CDYL: variants seen among roughly 807,000 people sequenced by gnomAD.
The protein encoded by CDYL is chromodomain Y like.
Under a neutral mutation model 47.3 loss-of-function variants are expected in CDYL, and 8 were observed. The ratio of observed to expected loss-of-function variants is 0.17; its 90% CI spans 0.10 to 0.31. The LOEUF (loss-of-function observed/expected upper bound fraction) is 0.31, where lower values mean the gene tolerates loss of function less well. CDYL is among the 10% of genes least tolerant of loss of function. The pLI, the probability that CDYL is intolerant of heterozygous loss-of-function variation, is 1.00. For missense variants in CDYL, 471 were observed against 701.4 expected, an observed-to-expected ratio of 0.67 and a Z score of 3.71; for synonymous variants, 266 against 265.0, an observed-to-expected ratio of 1.00 and a Z score of -0.04.
chr6:4,801,645 GTC>G (rs1759228906), intron 1 of CDYL, among the ~76,000 whole-genome samples: 1 of 152,094 alleles, frequency 6.6e-6, no homozygotes, highest in Non-Finnish European at 1.5e-5. Flanking sequence ...TCTCCCCTGT[GTC>G]TGCAAAATTT....
chr6:4,776,924 C>G (rs1424678371), intron 1 of CDYL, 117 bp downstream of exon 1: 4 of 313,396 alleles, frequency 1.3e-5, no homozygotes, highest in Non-Finnish European at 1.8e-5. Context: ...TCCCCCGCCG[C>G]GGCCGCAGTT....
At chr6:4,880,301 C>T (rs936150819) in intron 1 of CDYL, among the ~76,000 whole-genome samples, 2 of 152,078 alleles carry the variant, frequency 1.3e-5, no homozygotes, top group East Asian at 3.8e-4. Flanking sequence ...TTCAGATGGG[C>T]GTCTTTTACC....
At chr6:4,797,629 T>C (rs1384347367) in intron 1 of CDYL, among the ~76,000 whole-genome samples, 1 of 152,216 alleles carries the variant, frequency 6.6e-6, no homozygotes, top group Non-Finnish European at 1.5e-5. Flanking sequence ...CTGGCAACCA[T>C]GAATCCACTT....
chr6:4,948,067 G>A (rs541453220), intron 5 of CDYL, among the ~76,000 whole-genome samples: 8 of 152,292 alleles, frequency 5.3e-5, no homozygotes, highest in South Asian at 2.1e-4. Context: ...TCAGTTCATC[G>A]TAGTGATTAC....
intron 2 of CDYL, among the ~76,000 whole-genome samples, chr6:4,928,469 C>G (rs1561713906): frequency 6.6e-6 from 1 of 152,160 alleles, no homozygotes. Flanking sequence ...AATTCTTCCC[C>G]TTGAACTAAG....
intron 1 of CDYL, among the ~76,000 whole-genome samples, chr6:4,891,002 T>C (rs1032327865): frequency 6.6e-6 from 1 of 152,226 alleles, no homozygotes; most frequent in African/African-American, 2.4e-5. Context: ...TTTGTCACGG[T>C]GATAAAACGT....
At chr6:4,819,451 G>A (rs1419744339) in intron 1 of CDYL, among the ~76,000 whole-genome samples, 2 of 152,118 alleles carry the variant, frequency 1.3e-5, no homozygotes, top group African/African-American at 2.4e-5. Context: ...ACCAGATAGT[G>A]GTGGCTTCTG....
At chr6:4,711,389 T>C (rs537126807) in intron 1 of CDYL, among the ~76,000 whole-genome samples, 1 of 152,272 alleles carries the variant, frequency 6.6e-6, no homozygotes, top group Admixed American at 6.5e-5. Context: ...CAGCCATCTG[T>C]TTTCCTCATT....
rs543018333 is a variant in CDYL at position 4,815,860 on chromosome 6, T to C, written c.24+39053T>C. ...GTATTTTTTGCTCTACAGAATGTGT[T>C]TATCATCAACTCTTTCTTTATGACA... On this transcript the variant is annotated intron_variant, in intron 1 of 6. Coordinates refer to ENST00000397588, the MANE Select transcript of CDYL (RefSeq NM_004824.4). Among the ~76,000 whole-genome samples, 543 of 152,018 alleles carry C rather than the reference T, an allele frequency of 3.6e-3. 2 individuals carry two copies. Among genetic ancestry groups the C allele is most frequent in the African/African-American group, 0.012 (500 of 41,486 alleles).
chr6:4,710,358 AGG>A (rs1757126831), intron 1 of CDYL, among the ~76,000 whole-genome samples: 1 of 130,966 alleles, frequency 7.6e-6, no homozygotes, highest in South Asian at 2.9e-4. Context: ...AAAGGGAGGG[AGG>A]GAAGGAGGGA....
At chr6:4,937,845 C>A (rs1232008763) in intron 4 of CDYL, 108 bp downstream of exon 4, 3 of 806,454 alleles carry the variant, frequency 3.7e-6, no homozygotes, top group Non-Finnish European at 5.9e-6. Context: ...TACACATCTT[C>A]TCCCATGGAG....
rs9378911 is a variant in CDYL at position 4,740,580 on chromosome 6, C to T, written c.186+5736C>T. ...ATTGAATCTAATATACTAAATTTGA[C>T]TACTTTTCTGATGAGTCCTTTTTAT... is the stretch of plus-strand genomic sequence containing the variant. On this transcript the variant is annotated intron_variant, in intron 3 of 8. Coordinates refer to the CDYL transcript ENST00000328908. 2.1e-3 allele frequency among the ~76,000 whole-genome samples: 323 copies of T among 152,268 alleles called. 12 individuals are homozygous for T. In the East Asian group the frequency reaches 0.06, roughly 28 times the overall value.
upstream of CDYL, chr6:4,773,176 C>A: frequency 2.2e-6 from 1 of 457,416 alleles, no homozygotes; most frequent in South Asian, 1.5e-5. The surrounding 1 kb of genome is among the most constrained non-coding windows in gnomAD (Gnocchi z 4.6). Flanking sequence ...GGGAGCAGGT[C>A]AGGTAAGAAT....
At chr6:4,812,409 G>A (rs1759555374) in intron 1 of CDYL, among the ~76,000 whole-genome samples, 1 of 152,186 alleles carries the variant, frequency 6.6e-6, no homozygotes, top group Non-Finnish European at 1.5e-5. Flanking sequence ...CACGTCTTGT[G>A]TACATGTGCC....
rs1294142979 is a variant in CDYL at position 4,892,315 on chromosome 6, AGTGCCTCAG to A, written c.633_641del (p.Gln212_Pro214del). ...GGAGCAGGCCCAGGATACACCCACT[AGTGCCTCAG>A]GTGCCCGGCCCTGTGACTGCAGCCA... On this transcript the variant is annotated inframe_deletion, in exon 2 of 7. Transcript: ENST00000397588. 6.2e-7 allele frequency: 1 copy of A among 1,614,062 alleles called. No homozygotes were observed. The highest frequency in any genetic ancestry group is 1.3e-5 in the African/African-American group (1 of 75,044).
Position 4,781,406 on chromosome 6 carries a change from G to A in CDYL, c.24+4599G>A, listed in dbSNP as rs563946428. Reference sequence around the variant, plus strand: ...AGCGTATGTTGTATATGGTGTAGCTGTCTGAAAAGATTGGAATCACCAAAA... The same window carrying A: ...AGCGTATGTTGTATATGGTGTAGCTATCTGAAAAGATTGGAATCACCAAAA... On this transcript the variant is annotated intron_variant, in intron 1 of 6. Coordinates refer to ENST00000397588, the MANE Select transcript of CDYL (RefSeq NM_004824.4). Among the ~76,000 whole-genome samples the A allele has an allele frequency of 1.6e-3, 249 of 152,304 alleles. 3 individuals carry two copies. Among genetic ancestry groups the A allele is most frequent in the African/African-American group, 5.4e-3 (225 of 41,544 alleles).
At chr6:4,842,028 AAT>A (rs1356975898) in intron 1 of CDYL, among the ~76,000 whole-genome samples, 1 of 145,096 alleles carries the variant, frequency 6.9e-6, no homozygotes, top group African/African-American at 2.5e-5. Flanking sequence ...TATTATTTGT[AAT>A]ATATAATTTA....
chr6:4,942,158 A>T (rs1186301444), intron 4 of CDYL, among the ~76,000 whole-genome samples: 2 of 152,204 alleles, frequency 1.3e-5, no homozygotes, highest in African/African-American at 4.8e-5. Flanking sequence ...TCTCATTTAG[A>T]AAGACTTAGT....
chr6:4,817,561 A>G (rs1759709825), intron 1 of CDYL, among the ~76,000 whole-genome samples: 1 of 152,178 alleles, frequency 6.6e-6, no homozygotes, highest in Non-Finnish European at 1.5e-5. Context: ...AAGGTAAGTG[A>G]TGTGGGAATT....
Sources: gnomAD v4.1 joint callset for allele counts (sites outside exome capture counted in the v4.1 genomes callset) on GRCh38, gnomAD v4.1.1 for gene constraint, Gnocchi (gnomAD v3.1) non-coding constraint, MANE v1.5 for transcripts, NCBI Gene and HGNC (gene_info 2026-07-23, HGNC 2026-07-21) for gene names.